The following MTUS2 variants were observed in gnomAD, a reference collection of about 807,000 sequenced individuals.
The protein encoded by MTUS2 is microtubule-associated tumor suppressor candidate 2.
MTUS2 carries 40 observed loss-of-function variants against 114.1 expected under a neutral mutation model. That is an observed-to-expected ratio of 0.35 (90% CI 0.27 to 0.46). The LOEUF is 0.46. MTUS2 is among the 20% of genes least tolerant of loss of function. The pLI, the probability that MTUS2 is intolerant of heterozygous loss-of-function variation, is 1.00. For synonymous variants in MTUS2, 688 were observed against 672.0 expected, an observed-to-expected ratio of 1.02 and a Z score of -0.37; for missense variants, 1,679 against 1,705.4, an observed-to-expected ratio of 0.98 and a Z score of 0.27.
At chr13:29,002,350 GTA>G (rs1273322386) in intron 2 of MTUS2, among the ~76,000 whole-genome samples, 5 of 152,180 alleles carry the variant, frequency 3.3e-5, no homozygotes, top group East Asian at 1.9e-4. Flanking sequence ...AAAATGTACA[GTA>G]TATGTTTTCT....
Position 29,501,199 on chromosome 13 carries a change from G to A in MTUS2, c.3896+5G>A. On this transcript the variant is annotated splice_donor_5th_base_variant and intron_variant, in intron 15 of 15. Coordinates refer to ENST00000612955, the MANE Select transcript of MTUS2 (RefSeq NM_001033602.4). ...CCAAAACACAGTTGTCACCAGGTAG[G>A]TGGGCTGGGTGTCACCTACAAAGTG... The A allele has an allele frequency of 6.2e-7, 1 of 1,610,722 alleles. No individual in the cohort carries two copies. The highest frequency in any genetic ancestry group is 1.1e-5 in the South Asian group (1 of 90,832).
chr13:29,342,708 G>T (rs1441579108), intron 7 of MTUS2, among the ~76,000 whole-genome samples: 1 of 152,116 alleles, frequency 6.6e-6, no homozygotes, highest in African/African-American at 2.4e-5. Flanking sequence ...GAATAGAAGT[G>T]GTGAAAGTGG....
chr13:28,933,668 A>G (rs772912425), intron 2 of MTUS2, among the ~76,000 whole-genome samples: 4 of 152,324 alleles, frequency 2.6e-5, no homozygotes, highest in East Asian at 1.9e-4. Flanking sequence ...CTTAGCGTCC[A>G]GTGACTGTTG....
intron 2 of MTUS2, among the ~76,000 whole-genome samples, chr13:28,952,633 A>G (rs1013975317): frequency 1.3e-5 from 2 of 152,338 alleles, no homozygotes; most frequent in Middle Eastern, 6.8e-3. Context: ...CCAGGTAACC[A>G]TATGTGAACA....
chr13:29,322,009 A>T (rs182503010), intron 6 of MTUS2, among the ~76,000 whole-genome samples: 3 of 152,304 alleles, frequency 2.0e-5, no homozygotes. Context: ...CACAGTTCAT[A>T]TAACTTATGT....
Position 29,389,523 on chromosome 13 carries a change from A to G in MTUS2, c.3117+30050A>G, listed in dbSNP as rs556114014. 5.7e-3 allele frequency among the ~76,000 whole-genome samples: 168 copies of G among 29,624 alleles called. 28 individuals are homozygous for G. The highest frequency in any genetic ancestry group is 9.2e-3 in the African/African-American group (147 of 15,928). 19.4% of individuals were successfully genotyped at this position (29,624 alleles called of 152,430 possible). ...TATGTATACACGTGTGTGTATGTGT[A>G]TATATGTATACACGTGTGTATATGT... is the stretch of plus-strand genomic sequence containing the variant. On this transcript the variant is annotated intron_variant, in intron 8 of 15. Coordinates refer to ENST00000612955, the MANE Select transcript of MTUS2 (RefSeq NM_001033602.4).
chr13:29,102,836 G>A (rs575988166), intron 5 of MTUS2, among the ~76,000 whole-genome samples: 18 of 152,294 alleles, frequency 1.2e-4, no homozygotes, highest in African/African-American at 4.3e-4. Context: ...ATGCTTTGAT[G>A]ACAGGGAATA....
At chr13:29,194,624 G>A (rs1345991936) in intron 5 of MTUS2, among the ~76,000 whole-genome samples, 4 of 149,304 alleles carry the variant, frequency 2.7e-5, no homozygotes, top group African/African-American at 9.8e-5. Flanking sequence ...TGGAGAAATA[G>A]GAACACTTTT....
Position 28,850,436 on chromosome 13 carries a change from G to A in MTUS2, c.-243+10586G>A, listed in dbSNP as rs900925576. 5.9e-5 allele frequency among the ~76,000 whole-genome samples: 9 copies of A among 152,200 alleles called. No individual in the cohort carries two copies. The East Asian group carries it at 1.7e-3, about 29-fold the overall frequency. ...AAGCTTGGCTAATTGGCCAGCGACAGCCCTGCTGGGCTAGGCATTCTGTCA... is the reference window on the plus strand; with the variant it reads ...AAGCTTGGCTAATTGGCCAGCGACAACCCTGCTGGGCTAGGCATTCTGTCA... On this transcript the variant is annotated intron_variant, in intron 2 of 15. Coordinates refer to ENST00000612955, the MANE Select transcript of MTUS2 (RefSeq NM_001033602.4).
intron 2 of MTUS2, among the ~76,000 whole-genome samples, chr13:28,879,520 A>G (rs966010021): frequency 1.3e-5 from 2 of 152,232 alleles, no homozygotes; most frequent in African/African-American, 2.4e-5. Flanking sequence ...CTTCTGACCT[A>G]TTATTTTGTG....
intron 2 of MTUS2, among the ~76,000 whole-genome samples, chr13:28,858,708 C>A (rs1338689633): frequency 6.6e-6 from 1 of 152,096 alleles, no homozygotes; most frequent in Non-Finnish European, 1.5e-5. Context: ...GGAGGAACCC[C>A]TAATTCAGAC....
In MTUS2 at chr13:28,942,141, G is replaced by A. The variant is rs368532167; in HGVS notation, c.-242-82316G>A. Among the ~76,000 whole-genome samples, 14 of 152,134 alleles carry A rather than the reference G, an allele frequency of 9.2e-5. No homozygotes were observed. The East Asian group carries it at 2.3e-3, about 25-fold the overall frequency. ...ATAATATTTAAATAACTCACTTAAA[G>A]CAGTAACAAACAATTCAATAGAAAT... On this transcript the variant is annotated intron_variant, in intron 2 of 15. Coordinates refer to ENST00000612955, the MANE Select transcript of MTUS2 (RefSeq NM_001033602.4).
chr13:28,854,942 C>T (rs1221620384), intron 2 of MTUS2, among the ~76,000 whole-genome samples: 2 of 152,098 alleles, frequency 1.3e-5, no homozygotes, highest in Admixed American at 6.5e-5. Context: ...TCTGGTGACA[C>T]ATCCCCTCCT....
chr13:29,223,812 G>A (rs1896001082), intron 5 of MTUS2, among the ~76,000 whole-genome samples: 2 of 152,264 alleles, frequency 1.3e-5, no homozygotes, highest in African/African-American at 4.8e-5. Flanking sequence ...CCCTGAGCCA[G>A]GGCTGTGACA....
intron 7 of MTUS2, among the ~76,000 whole-genome samples, chr13:29,337,539 C>T (rs913644168): frequency 3.9e-5 from 6 of 152,176 alleles, no homozygotes; most frequent in Admixed American, 6.5e-5. Context: ...AAAAATCACC[C>T]GCCTTCTGCG....
At position 29,359,369 on chromosome 13, in the gene MTUS2, T is replaced by C. The variant is rs1593346481; in HGVS notation, c.3013T>C (p.Cys1005Arg). The C allele has an allele frequency of 6.2e-7, 1 of 1,612,784 alleles. No individual in the cohort carries two copies. The highest frequency in any genetic ancestry group is 1.3e-5 in the African/African-American group (1 of 74,854). Residue 1005 changes from cysteine (C) to arginine (R), a missense_variant, in exon 8 of 16, where the codon TGT becomes CGT. Cys to Arg is a radical substitution (Grantham distance 180). Transcript: ENST00000612955. ...GCTGGTGCTGCGGCTGAAGGAGCGG[T>C]GTGAGCAGCAGACCAGACAGCTGGG... ...RQLVLRLKER[C>R]EQQTRQLGVA...
At chr13:29,418,817 G>A (rs1263565141) in intron 8 of MTUS2, among the ~76,000 whole-genome samples, 1 of 152,144 alleles carries the variant, frequency 6.6e-6, no homozygotes, top group African/African-American at 2.4e-5. Context: ...TCCCCGTGTG[G>A]GTGGGTAGGT....
At chr13:29,370,275 T>A (rs905474272) in intron 8 of MTUS2, among the ~76,000 whole-genome samples, 1 of 152,130 alleles carries the variant, frequency 6.6e-6, no homozygotes, top group African/African-American at 2.4e-5. Flanking sequence ...TAATTGCCAT[T>A]GTAACAGTAT....
chr13:29,175,476 T>C (rs761635358), intron 5 of MTUS2, among the ~76,000 whole-genome samples: 6 of 152,214 alleles, frequency 3.9e-5, no homozygotes, highest in African/African-American at 9.6e-5. Flanking sequence ...TCTCCACTTA[T>C]ACGTGGGCTA....
Sources: allele counts gnomAD v4.1 joint callset (sites outside exome capture counted in the v4.1 genomes callset), GRCh38; gene constraint gnomAD v4.1.1; transcripts MANE v1.5; gene names NCBI Gene and HGNC (gene_info 2026-07-23, HGNC 2026-07-21).